The following WDR18 variants were observed in gnomAD, a reference collection of about 807,000 sequenced individuals.
WDR18 encodes WD repeat-containing protein 18.
WDR18 carries 33 observed loss-of-function variants against 49.6 expected under a neutral mutation model. That is an observed-to-expected ratio of 0.67 (90% confidence interval 0.50 to 0.89). The LOEUF (loss-of-function observed/expected upper bound fraction) is 0.89. Ranked by LOEUF, WDR18 falls within the 40% of genes least tolerant of loss-of-function variation. WDR18 has a pLI of 0.00. For synonymous variants in WDR18, 315 were observed against 263.6 expected, an observed-to-expected ratio of 1.19 and a Z score of -1.89; for missense variants, 653 against 593.6, an observed-to-expected ratio of 1.10 and a Z score of -1.04.
At chr19:985,025 GTT>G (rs2038461169) in intron 1 of WDR18, among the ~76,000 whole-genome samples, 1 of 152,130 alleles carries the variant, frequency 6.6e-6, no homozygotes, top group Non-Finnish European at 1.5e-5. Context: ...GTCGCCCACA[GTT>G]TCCCCTCTAC....
chr19:983,012 C>T (rs926449018), upstream of WDR18, among the ~76,000 whole-genome samples: 8 of 152,246 alleles, frequency 5.3e-5, no homozygotes, highest in African/African-American at 1.7e-4. Flanking sequence ...ATGCAGCCTC[C>T]AGCCCCTGCC....
At chr19:988,800 CCT>C (rs2038502886) in intron 2 of WDR18, among the ~76,000 whole-genome samples, 2 of 152,150 alleles carry the variant, frequency 1.3e-5, no homozygotes, top group African/African-American at 2.4e-5. Context: ...GCGTGGAGCC[CCT>C]GTGTGTTTGC....
In WDR18 at chr19:991,337, C is replaced by T. The variant is rs571766621; in HGVS notation, c.917C>T (p.Thr306Met). The stretch of plus-strand genomic sequence containing the variant: ...GTGCAGAGCAAGCAGTGCATCCGGA[C>T]GGTGGCCCTCAAAGGTGGGCGCGCC... ...WDVQSKQCIR[T>M]VALKGPVTNA... Residue 306 changes from threonine (T) to methionine (M), a missense_variant, in exon 7 of 10, where the codon ACG (threonine) becomes ATG (methionine). Physicochemically the swap from Thr to Met is moderately conservative, Grantham distance 81. Coordinates refer to ENST00000585809, the MANE Select transcript of WDR18 (RefSeq NM_024100.4). 4.3e-5 allele frequency: 67 copies of T among 1,540,970 alleles called. No homozygotes were observed. The South Asian group carries it at 6.6e-4, about 15-fold the overall frequency.
chr19:984,710 G>T, intron 1 of WDR18, 147 bp downstream of exon 1: 1 of 922,078 alleles, frequency 1.1e-6, no homozygotes, highest in Non-Finnish European at 1.5e-6. Flanking sequence ...CGCATGCGCG[G>T]GTCTGGGGGC....
chr19:990,758 C>T, intron 4 of WDR18, 94 bp from the exon 5 acceptor site: 2 of 1,489,202 alleles, frequency 1.3e-6, no homozygotes, highest in Admixed American at 2.3e-5. Flanking sequence ...GGCCAGAGGA[C>T]AGCCGACGCC....
intron 7 of WDR18, 77 bp downstream of exon 7, chr19:991,428 G>C (rs890588665): frequency 7.0e-6 from 10 of 1,424,936 alleles, no homozygotes; most frequent in African/African-American, 1.5e-5. Flanking sequence ...TGGCTTGGGT[G>C]GGGGCGGGGA....
Position 985,863 on chromosome 19 carries a change from A to G in WDR18, c.211-2A>G. 6.2e-7 allele frequency: 1 copy of G among 1,613,680 alleles called. No homozygotes were observed. On this transcript the variant is annotated splice_acceptor_variant, in intron 1 of 9. Coordinates refer to ENST00000585809, the MANE Select transcript of WDR18 (RefSeq NM_024100.4). LOFTEE classifies it high-confidence loss of function. ...CTCACGAGGCTGACTGTGCATCCTT[A>G]GGACCAGCTCCAGCAGAAGATCATG...
At chr19:993,942 C>G in intron 8 of WDR18, 78 bp from the exon 9 acceptor site, 2 of 1,505,070 alleles carry the variant, frequency 1.3e-6, no homozygotes, top group South Asian at 2.4e-5. Flanking sequence ...GCTGCCCACG[C>G]TGGCGGGGGT....
At chr19:984,225 T>C (rs2038448024), upstream of WDR18, 1 of 994,692 alleles carries the variant, frequency 1.0e-6, no homozygotes, top group Non-Finnish European at 1.4e-6. Context: ...AGCCCCTCTC[T>C]CCGAGGCACG....
chr19:984,416 C>T lies in WDR18; in HGVS notation c.63C>T (p.Ile21=). 2 of 1,604,982 alleles carry T rather than the reference C, an allele frequency of 1.2e-6. No individual in the cohort carries two copies. Among genetic ancestry groups the T allele is most frequent in the Non-Finnish European group, 1.7e-6 (2 of 1,176,944 alleles). Residue 21 remains isoleucine (I), a synonymous_variant, in exon 1 of 10, where the codon ATC becomes ATT. Coordinates refer to ENST00000585809, the MANE Select transcript of WDR18 (RefSeq NM_024100.4). ...CGGCGGCCCCGATGTGGAGCTGCAT[C>T]GTGTGGGAACTTCACTCGGGCGCCA... The part of the protein sequence containing the change: ...TDSAAPMWSC[I]VWELHSGANL...
At chr19:988,218 C>T (rs1255155670) in intron 2 of WDR18, among the ~76,000 whole-genome samples, 5 of 152,124 alleles carry the variant, frequency 3.3e-5, no homozygotes, top group Non-Finnish European at 7.4e-5. Context: ...TCCACTGTAC[C>T]CCCCTGCCAC....
At chr19:990,039 G>T in intron 3 of WDR18, 144 bp downstream of exon 3, 1 of 1,415,562 alleles carries the variant, frequency 7.1e-7, no homozygotes, top group Admixed American at 2.7e-5. Context: ...CAGGGGTCCT[G>T]GCTGCCCACA....
Position 990,354 on chromosome 19 carries a change from A to G in WDR18, c.587A>G (p.Gln196Arg). 6.4e-7 allele frequency: 1 copy of G among 1,571,996 alleles called. No individual in the cohort carries two copies. The highest frequency in any genetic ancestry group is 8.6e-7 in the Non-Finnish European group (1 of 1,166,590). The change falls in exon 4 of 10, where the codon CAG (glutamine) becomes CGG (arginine). Residue 196 changes from glutamine (Q) to arginine (R), a missense_variant. By Grantham distance (43) the Gln-to-Arg change is conservative. Transcript: ENST00000585809. ...LARVATSSLD[Q>R]TVKLWEVSSG... ...CGGGTGGCCACCTCCTCACTGGACC[A>G]GACGGTGAAGGTACGCCGCCCCCAC... is the stretch of plus-strand genomic sequence containing the variant.
intron 8 of WDR18, 66 bp downstream of exon 8, chr19:992,187 C>T: frequency 1.4e-6 from 2 of 1,386,256 alleles, no homozygotes; most frequent in Non-Finnish European, 1.9e-6. Flanking sequence ...GCCCTGGGCT[C>T]CTTCGCTCCC....
chr19:990,495 G>A, intron 4 of WDR18, 131 bp downstream of exon 4: 2 of 1,297,406 alleles, frequency 1.5e-6, no homozygotes, highest in Non-Finnish European at 2.0e-6. Context: ...ATCCCCTGGT[G>A]CTCTGAGCCC....
At chr19:994,155 G>C in intron 9 of WDR18, 58 bp from the exon 10 acceptor site, 1 of 1,550,848 alleles carries the variant, frequency 6.4e-7, no homozygotes, top group South Asian at 1.2e-5. Context: ...GGGGTGAGTG[G>C]CCCCCCTCCA....
rs1235500487 is a variant in WDR18 at position 990,318 on chromosome 19, GC to G, written c.556del (p.Leu186TrpfsTer13). On this transcript the variant is annotated frameshift_variant, in exon 4 of 10. Coordinates refer to ENST00000585809, the MANE Select transcript of WDR18 (RefSeq NM_024100.4). LOFTEE classifies it high-confidence loss of function. ...PITDLHCGFGGPLARVATSSL... is the reference protein window; with the variant it reads ...PITDLHCGFGXPLARVATSSL... ...ACGGACCTGCACTGCGGCTTTGGGG[GC>G]CCCCTGGCCCGGGTGGCCACCTCCT... 6.3e-7 allele frequency: 1 copy of G among 1,593,604 alleles called. No homozygotes were observed.
chr19:990,960 G>A lies in WDR18; in HGVS notation c.706G>A (p.Glu236Lys), dbSNP rs1599447046. ...AEHHMFCGGS[E>K]GSIFQVDLFT... is the part of the protein sequence containing the mutation. ...GCACCATATGTTCTGCGGGGGCAGT[G>A]AGGGCTCCATCTTCCAGGTCGACCT... Residue 236 changes from glutamate (E) to lysine (K), a missense_variant, in exon 5 of 10, where the codon GAG becomes AAG. Coordinates refer to ENST00000585809, the MANE Select transcript of WDR18 (RefSeq NM_024100.4). 1.2e-6 allele frequency: 2 copies of A among 1,611,992 alleles called. No individual in the cohort carries two copies. The highest frequency in any genetic ancestry group is 1.7e-6 in the Non-Finnish European group (2 of 1,179,436).
rs557836888 is a variant in WDR18, at chr19:984,510, C to G, written c.157C>G (p.Leu53Val). The G allele has an allele frequency of 2.0e-4, 314 of 1,547,846 alleles. 2 individuals carry two copies. The South Asian group carries it at 3.3e-3, about 16-fold the overall frequency. ...GLALLNGEYL[L>V]AAQLGKNYIS... ...GGCGCTGCTCAATGGCGAGTATCTG[C>G]TGGCGGCGCAGCTGGGCAAGAATTA... Residue 53 changes from leucine to valine, a missense_variant, in exon 1 of 10, where the codon CTG becomes GTG. By Grantham distance (32) the Leu-to-Val change is conservative. Coordinates refer to ENST00000585809, the MANE Select transcript of WDR18 (RefSeq NM_024100.4).
Sources: allele counts gnomAD v4.1 joint callset (sites outside exome capture counted in the v4.1 genomes callset), GRCh38; gene constraint gnomAD v4.1.1; transcripts MANE v1.5; gene names NCBI Gene and HGNC (gene_info 2026-07-23, HGNC 2026-07-21).